Variants in WWOX observed in about 807,000 individuals in gnomAD.
The protein encoded by WWOX is WW domain-containing oxidoreductase.
A neutral mutation model predicts 46.2 loss-of-function variants in WWOX; 69 were observed. The ratio of observed to expected loss-of-function variants is 1.49; its 90% CI spans 1.23 to 1.82. The LOEUF (loss-of-function observed/expected upper bound fraction) is 1.82, where lower values mean the gene tolerates loss of function less well. Among genes scored for constraint, WWOX ranks in the 40% most tolerant of loss-of-function variants. WWOX has a pLI of 0.00. For synonymous variants in WWOX, 359 were observed against 202.6 expected (o/e 1.77, Z -6.56); for missense variants, 919 against 542.6 (o/e 1.69, Z -6.89).
At chr16:78,673,701 G>T (rs1263050162) in intron 8 of WWOX, among the ~76,000 whole-genome samples, 1 of 152,206 alleles carries the variant, frequency 6.6e-6, no homozygotes, top group Non-Finnish European at 1.5e-5. Context: ...AACAAGTCAA[G>T]AGACTCATTA....
chr16:78,615,302 C>G (rs1055981982), intron 8 of WWOX, among the ~76,000 whole-genome samples: 11 of 152,050 alleles, frequency 7.2e-5, no homozygotes, highest in Non-Finnish European at 1.0e-4. Flanking sequence ...AGGAGTTGGG[C>G]TGCCTTTGCT....
At chr16:78,355,893 G>A (rs573434537) in intron 5 of WWOX, 6 of 416,850 alleles carry the variant, frequency 1.4e-5, no homozygotes, top group African/African-American at 1.1e-4. Context: ...CTCTCTAAAT[G>A]TGCAAGATAT....
At chr16:78,969,671 T>G (rs1389392672) in intron 8 of WWOX, among the ~76,000 whole-genome samples, 1 of 151,946 alleles carries the variant, frequency 6.6e-6, no homozygotes, top group Non-Finnish European at 1.5e-5. Context: ...GCAGCTTTAA[T>G]AAAGAAGAGA....
intron 8 of WWOX, among the ~76,000 whole-genome samples, chr16:78,506,144 T>C (rs1111682): frequency 0.074 from 11,297 of 152,226 alleles, 1,326 homozygotes; most frequent in African/African-American, 0.25. Flanking sequence ...TTTTGGGTAG[T>C]GACTTCTGTG....
chr16:79,125,841 A>G (rs532423549), intron 8 of WWOX, among the ~76,000 whole-genome samples: 11 of 152,342 alleles, frequency 7.2e-5, no homozygotes, highest in South Asian at 2.1e-4. Context: ...CATTTTTGCC[A>G]TAGCTTTTTA....
intron 8 of WWOX, among the ~76,000 whole-genome samples, chr16:79,196,711 A>C (rs527596916): frequency 6.6e-6 from 1 of 151,914 alleles, no homozygotes; most frequent in Non-Finnish European, 1.5e-5. Flanking sequence ...GTCTCCCCCA[A>C]TGAGAGACTT....
At chr16:79,029,028 A>C (rs1007734440) in intron 8 of WWOX, among the ~76,000 whole-genome samples, 6 of 149,232 alleles carry the variant, frequency 4.0e-5, no homozygotes, top group African/African-American at 1.6e-4. Context: ...ATTATATTTG[A>C]GGATGACCTG....
chr16:78,578,257 TATA>T (rs1567657267), intron 8 of WWOX, among the ~76,000 whole-genome samples: 1,604 of 29,290 alleles, frequency 0.055, 47 homozygotes, highest in Middle Eastern at 0.12. Flanking sequence ...CCAAATTTTA[TATA>T]TATATATATA....
intron 5 of WWOX, among the ~76,000 whole-genome samples, chr16:78,267,866 G>C (rs2079400403): frequency 6.6e-6 from 1 of 152,098 alleles, no homozygotes; most frequent in Non-Finnish European, 1.5e-5. Flanking sequence ...CAGCCTCCCA[G>C]GAGTGCCATG....
chr16:78,918,840 C>T (rs141082798), intron 8 of WWOX, among the ~76,000 whole-genome samples: 1 of 152,160 alleles, frequency 6.6e-6, no homozygotes, highest in African/African-American at 2.4e-5. Flanking sequence ...TTTGCGGGGT[C>T]TCACATGATC....
intron 8 of WWOX, among the ~76,000 whole-genome samples, chr16:78,620,910 T>C (rs538407089): frequency 3.9e-5 from 6 of 152,336 alleles, no homozygotes; most frequent in South Asian, 4.1e-4. Context: ...AATTTTATTT[T>C]TGAGCAATTC....
At chr16:78,869,901 C>T (rs891021879) in intron 8 of WWOX, among the ~76,000 whole-genome samples, 2 of 152,156 alleles carry the variant, frequency 1.3e-5, no homozygotes, top group Non-Finnish European at 2.9e-5. Context: ...GGGGCCAGCA[C>T]ATTTGGAGAA....
intron 6 of WWOX, among the ~76,000 whole-genome samples, chr16:78,416,582 T>A (rs988653003): frequency 6.6e-6 from 1 of 152,150 alleles, no homozygotes; most frequent in Non-Finnish European, 1.5e-5. Context: ...GGTAGCAAGT[T>A]CCTTGGTTTG....
chr16:79,020,786 T>G (rs898692907), intron 8 of WWOX, among the ~76,000 whole-genome samples: 2 of 152,222 alleles, frequency 1.3e-5, no homozygotes, highest in African/African-American at 4.8e-5. Context: ...GATTCTTTTC[T>G]GTGCTCTCCA....
chr16:79,075,218 C>G (rs903150441), intron 8 of WWOX, among the ~76,000 whole-genome samples: 7 of 152,190 alleles, frequency 4.6e-5, no homozygotes, highest in African/African-American at 9.7e-5. Context: ...TGGTTCTGCT[C>G]AGCCCTAAGT....
chr16:78,244,717 A>G (rs1397041772), intron 5 of WWOX, among the ~76,000 whole-genome samples: 1 of 152,200 alleles, frequency 6.6e-6, no homozygotes, highest in Non-Finnish European at 1.5e-5. Context: ...CAGTAGCAAC[A>G]CTTGCACCTG....
Position 78,160,565 on chromosome 16 carries a change from G to A in WWOX, c.410-3618G>A, listed in dbSNP as rs559878352. 1.8e-4 allele frequency among the ~76,000 whole-genome samples: 27 copies of A among 152,220 alleles called. No homozygotes were observed. In the South Asian group the frequency reaches 5.6e-3, roughly 32 times the overall value. Reference sequence around the variant, plus strand: ...TCATTGTAATTTTTTGAGCCATAATGTCTTATTTATTTATACATATATTTC... The same window carrying A: ...TCATTGTAATTTTTTGAGCCATAATATCTTATTTATTTATACATATATTTC... On this transcript the variant is annotated intron_variant, in intron 4 of 8. Coordinates refer to ENST00000566780, the MANE Select transcript of WWOX (RefSeq NM_016373.4).
At chr16:79,140,319 C>T (rs2050065527) in intron 8 of WWOX, among the ~76,000 whole-genome samples, 2 of 152,196 alleles carry the variant, frequency 1.3e-5, no homozygotes, top group African/African-American at 4.8e-5. Context: ...CATTCTTAGG[C>T]AAGTGACATC....
intron 8 of WWOX, among the ~76,000 whole-genome samples, chr16:78,904,197 G>A (rs1264106276): frequency 6.7e-6 from 1 of 148,378 alleles, no homozygotes; most frequent in Non-Finnish European, 1.5e-5. Flanking sequence ...AGTTACAGGT[G>A]CTTGTGATGT....
Sources: allele counts gnomAD v4.1 joint callset (sites outside exome capture counted in the v4.1 genomes callset), GRCh38; gene constraint gnomAD v4.1.1; transcripts MANE v1.5; gene names NCBI Gene and HGNC (gene_info 2026-07-23, HGNC 2026-07-21).